The following STXBP5 variants were observed in gnomAD, a reference collection of about 807,000 sequenced individuals.
STXBP5 encodes syntaxin binding protein 5, also known as syntaxin-binding protein 5.
In STXBP5, 50 loss-of-function variants were observed where a neutral mutation model predicts 152.4. That is an observed-to-expected ratio of 0.33 (90% CI 0.26 to 0.42). The LOEUF (loss-of-function observed/expected upper bound fraction) is 0.42. STXBP5 is among the 10% of genes least tolerant of loss of function. The probability of loss-of-function intolerance (pLI) is 1.00; values close to 1 mark genes in which losing one functional copy is unlikely to be tolerated. For missense variants in STXBP5, 1,167 were observed against 1,388.6 expected (o/e 0.84, Z 2.54); for synonymous variants, 492 against 494.7 (o/e 0.99, Z 0.07).
At chr6:147,237,393 G>A (rs939835337) in intron 3 of STXBP5, among the ~76,000 whole-genome samples, 2 of 152,080 alleles carry the variant, frequency 1.3e-5, no homozygotes, top group Non-Finnish European at 2.9e-5. Context: ...ACTATATACT[G>A]TATAGGTGAA....
intron 8 of STXBP5, among the ~76,000 whole-genome samples, chr6:147,282,103 A>G (rs1288933898): frequency 6.6e-6 from 1 of 152,182 alleles, no homozygotes; most frequent in Non-Finnish European, 1.5e-5. Context: ...ATGATGTGCT[A>G]TTCATATATG....
In STXBP5 at chr6:147,359,230, G is replaced by A; in HGVS notation, c.2452G>A (p.Gly818Arg). The A allele has an allele frequency of 6.2e-7, 1 of 1,614,020 alleles. No individual in the cohort carries two copies. Among genetic ancestry groups the A allele is most frequent in the Non-Finnish European group, 8.5e-7 (1 of 1,179,934 alleles). ...GTCCCCTTCCCCTTGTCTATGGGTTGGAACAACGCTAGGAACAGTGCTTGT... is the reference window on the plus strand; with the variant it reads ...GTCCCCTTCCCCTTGTCTATGGGTTAGAACAACGCTAGGAACAGTGCTTGT... The part of the protein sequence containing the change: ...DSSPSPCLWV[G>R]TTLGTVLVIA... The change falls in exon 23 of 28, where the codon GGA (glycine) becomes AGA (arginine). Residue 818 changes from glycine (G) to arginine (R), a missense_variant. By Grantham distance (125) the Gly-to-Arg change is moderately radical. Around this residue, in one of 3 missense-constraint regions of STXBP5, gnomAD observed 833 missense variants for 986.3 expected, o/e 0.84. Coordinates refer to ENST00000321680, the MANE Select transcript of STXBP5 (RefSeq NM_001127715.4).
At chr6:147,368,349 G>T (rs2128416414) in intron 25 of STXBP5, among the ~76,000 whole-genome samples, 1 of 152,170 alleles carries the variant, frequency 6.6e-6, no homozygotes, top group East Asian at 1.9e-4. Context: ...AGGAAAGTAG[G>T]ATTGACCTAA....
chr6:147,329,439 T>C (rs1198663369), intron 18 of STXBP5, among the ~76,000 whole-genome samples: 2 of 150,612 alleles, frequency 1.3e-5, no homozygotes, highest in East Asian at 3.9e-4. Context: ...AATAACATCT[T>C]AAGAATATTT....
At chr6:147,378,494 C>T (rs1436228184) in intron 26 of STXBP5, among the ~76,000 whole-genome samples, 1 of 150,450 alleles carries the variant, frequency 6.6e-6, no homozygotes, top group African/African-American at 2.4e-5. Flanking sequence ...AATGCAGGAA[C>T]ATTAAATGAT....
intron 9 of STXBP5, among the ~76,000 whole-genome samples, chr6:147,298,346 A>G (rs1781635882): frequency 6.6e-6 from 1 of 152,190 alleles, no homozygotes. Flanking sequence ...AATTATTACT[A>G]CATCTAAAGG....
chr6:147,284,860 T>C (rs747438852), intron 8 of STXBP5, among the ~76,000 whole-genome samples: 40 of 152,340 alleles, frequency 2.6e-4, no homozygotes, highest in Non-Finnish European at 5.4e-4. Context: ...GGAGACCTAG[T>C]AATTGAGTTT....
At chr6:147,326,002 G>C (rs1366502398) in intron 17 of STXBP5, among the ~76,000 whole-genome samples, 1 of 152,136 alleles carries the variant, frequency 6.6e-6, no homozygotes, top group Non-Finnish European at 1.5e-5. Context: ...GTATATGGGA[G>C]ACTGTACATT....
chr6:147,340,699 A>G (rs990021920), intron 21 of STXBP5, among the ~76,000 whole-genome samples: 5 of 151,938 alleles, frequency 3.3e-5, no homozygotes, highest in African/African-American at 1.2e-4. Context: ...TTTAAAAACA[A>G]TTTTTCTGTC....
intron 26 of STXBP5, among the ~76,000 whole-genome samples, chr6:147,380,427 T>C (rs1786027504): frequency 6.8e-6 from 1 of 147,672 alleles, no homozygotes; most frequent in Admixed American, 6.8e-5. Context: ...CAATAAGTGA[T>C]GTTGGAATAA....
chr6:147,216,557 A>G (rs1446693164), intron 2 of STXBP5, among the ~76,000 whole-genome samples: 1 of 152,166 alleles, frequency 6.6e-6, no homozygotes, highest in Non-Finnish European at 1.5e-5. Flanking sequence ...AAAATATTTT[A>G]TAGTTGCCCA....
intron 21 of STXBP5, chr6:147,351,870 A>T: frequency 1.0e-6 from 1 of 985,384 alleles, no homozygotes; most frequent in African/African-American, 1.7e-5. Context: ...CTCTTTGTTT[A>T]CATGGCGCCC....
intron 4 of STXBP5, among the ~76,000 whole-genome samples, chr6:147,255,041 A>T (rs1270322830): frequency 6.6e-6 from 1 of 152,228 alleles, no homozygotes; most frequent in African/African-American, 2.4e-5. Context: ...AGTACTATTC[A>T]CAATAGTAAA....
chr6:147,316,103 A>T, intron 15 of STXBP5, 126 bp from the exon 16 acceptor site: 1 of 984,192 alleles, frequency 1.0e-6, no homozygotes, highest in Non-Finnish European at 1.5e-6. Context: ...ATCTTGCTAA[A>T]TTTTTACCTT....
intron 26 of STXBP5, among the ~76,000 whole-genome samples, chr6:147,378,153 A>G (rs974030204): frequency 6.6e-6 from 1 of 152,084 alleles, no homozygotes; most frequent in African/African-American, 2.4e-5. Flanking sequence ...ATATTTAGGG[A>G]AAAAATAATT....
intron 2 of STXBP5, among the ~76,000 whole-genome samples, chr6:147,233,154 TAAAC>T (rs1778089184): frequency 6.6e-6 from 1 of 151,756 alleles, no homozygotes; most frequent in Admixed American, 6.6e-5. Flanking sequence ...GAGACATTTT[TAAAC>T]AAACATCTAA....
At chr6:147,240,172 C>G (rs1778472759) in intron 4 of STXBP5, among the ~76,000 whole-genome samples, 1 of 152,102 alleles carries the variant, frequency 6.6e-6, no homozygotes, top group African/African-American at 2.4e-5. Context: ...GAACTCCTGA[C>G]CTCAAGTGAT....
At chr6:147,300,099 A>T (rs1781732432) in intron 9 of STXBP5, among the ~76,000 whole-genome samples, 1 of 152,048 alleles carries the variant, frequency 6.6e-6, no homozygotes, top group South Asian at 2.1e-4. Context: ...ATTAAATTTA[A>T]CAAAGGAGAT....
intron 21 of STXBP5, among the ~76,000 whole-genome samples, chr6:147,343,967 G>T (rs1325308300): frequency 6.6e-6 from 1 of 152,024 alleles, no homozygotes; most frequent in South Asian, 2.1e-4. Flanking sequence ...ATTTTTACAG[G>T]TGATTTTAAT....
Sources: allele counts gnomAD v4.1 joint callset (sites outside exome capture counted in the v4.1 genomes callset), GRCh38; gene constraint gnomAD v4.1.1; regional missense constraint gnomAD v4.1.1; transcripts MANE v1.5; gene names NCBI Gene and HGNC (gene_info 2026-07-23, HGNC 2026-07-21).